Variants in SGCZ observed in about 807,000 individuals in gnomAD.
SGCZ encodes zeta-sarcoglycan.
SGCZ carries 40 observed loss-of-function variants against 41.3 expected under a neutral mutation model. The observed-to-expected ratio is 0.97, with a 90% CI of 0.75 to 1.26. The LOEUF (loss-of-function observed/expected upper bound fraction) is 1.26, where lower values mean the gene tolerates loss of function less well. Ranked by LOEUF, SGCZ falls within the 50% of genes most tolerant of loss-of-function variation. The pLI, the probability that SGCZ is intolerant of heterozygous loss-of-function variation, is 0.00. For synonymous variants in SGCZ, 206 were observed against 137.5 expected (o/e 1.50, Z -3.49); for missense variants, 552 against 369.8 (o/e 1.49, Z -4.04).
At chr8:14,381,719 G>A (rs966643099) in intron 2 of SGCZ, among the ~76,000 whole-genome samples, 7 of 151,758 alleles carry the variant, frequency 4.6e-5, no homozygotes, top group Admixed American at 6.6e-5. Flanking sequence ...CCAGGAGGTC[G>A]AGGCTGCAGT....
At chr8:15,134,090 T>C (rs17471747) in intron 1 of SGCZ, among the ~76,000 whole-genome samples, 21,033 of 152,182 alleles carry the variant, frequency 0.14, 1,948 homozygotes, top group Non-Finnish European at 0.21. Flanking sequence ...GGCCACTTAA[T>C]TCTGTATTTT....
rs149740390 is a variant in SGCZ at position 14,459,758 on chromosome 8, A to G, written c.234+94974T>C. ...GATACACTGAAAAGGGAACACTACT[A>G]TGGTATTCTCACATCCTCACCCCAA... On this transcript the variant is annotated intron_variant, in intron 2 of 7. Transcript: ENST00000382080. Among the ~76,000 whole-genome samples, 54 of 152,186 alleles carry G rather than the reference A, an allele frequency of 3.5e-4. 1 individual carries two copies. Among genetic ancestry groups the G allele is most frequent in the African/African-American group, 1.2e-3 (49 of 41,570 alleles).
intron 1 of SGCZ, among the ~76,000 whole-genome samples, chr8:14,600,129 T>A (rs1471901994): frequency 6.6e-6 from 1 of 152,078 alleles, no homozygotes; most frequent in African/African-American, 2.4e-5. Context: ...GATTATAAAT[T>A]CCTTCTTCCA....
At chr8:15,095,201 C>A (rs776532032) in intron 1 of SGCZ, among the ~76,000 whole-genome samples, 1 of 152,106 alleles carries the variant, frequency 6.6e-6, no homozygotes, top group Non-Finnish European at 1.5e-5. Flanking sequence ...CGGGTTCAAG[C>A]GACTCTCCTG....
intron 2 of SGCZ, among the ~76,000 whole-genome samples, chr8:14,410,159 AT>A: frequency 6.6e-6 from 1 of 152,218 alleles, no homozygotes; most frequent in South Asian, 2.1e-4. Flanking sequence ...TGTGCTCCTT[AT>A]GATAATCTAA....
intron 1 of SGCZ, among the ~76,000 whole-genome samples, chr8:14,687,336 CCT>C (rs71541680): frequency 0.39 from 52,484 of 136,266 alleles, 11,847 homozygotes; most frequent in African/African-American, 0.67. Flanking sequence ...TAAAGCTATC[CCT>C]CCCCCCTCCC....
chr8:14,353,987 C>A (rs1052746813), intron 2 of SGCZ, among the ~76,000 whole-genome samples: 2 of 152,026 alleles, frequency 1.3e-5, no homozygotes, highest in African/African-American at 4.8e-5. Context: ...CATAAGTAGA[C>A]CCTGAATCTG....
At chr8:15,196,299 T>A (rs780685444) in intron 1 of SGCZ, among the ~76,000 whole-genome samples, 9 of 152,202 alleles carry the variant, frequency 5.9e-5, no homozygotes, top group Non-Finnish European at 8.8e-5. Context: ...TAATCCAAAA[T>A]TTGTTTTGCT....
chr8:15,185,969 A>G (rs947944551), intron 1 of SGCZ, among the ~76,000 whole-genome samples: 2 of 151,908 alleles, frequency 1.3e-5, no homozygotes, highest in Admixed American at 1.3e-4. Flanking sequence ...TCACGTCTGT[A>G]ATCCCAGCAC....
intron 1 of SGCZ, among the ~76,000 whole-genome samples, chr8:14,754,469 G>A (rs960764926): frequency 6.6e-6 from 1 of 151,940 alleles, no homozygotes; most frequent in African/African-American, 2.4e-5. Flanking sequence ...GCTTATTATT[G>A]CTTCTTGTCT....
At chr8:14,758,134 A>G (rs1490075125) in intron 1 of SGCZ, among the ~76,000 whole-genome samples, 2 of 152,180 alleles carry the variant, frequency 1.3e-5, no homozygotes, top group Admixed American at 6.5e-5. Flanking sequence ...AAGTACAATG[A>G]TATTTCTCTC....
intron 1 of SGCZ, among the ~76,000 whole-genome samples, chr8:15,026,561 T>C (rs1350172399): frequency 1.3e-5 from 2 of 152,158 alleles, no homozygotes; most frequent in African/African-American, 4.8e-5. Flanking sequence ...AACGCTGTAA[T>C]CCCAGCTGTG....
At chr8:14,669,619 C>T (rs903175218) in intron 1 of SGCZ, among the ~76,000 whole-genome samples, 2 of 151,750 alleles carry the variant, frequency 1.3e-5, no homozygotes, top group African/African-American at 4.8e-5. Context: ...GAATGGCCTC[C>T]AGGTCCATAC....
At chr8:14,147,122 CA>C (rs1158201933) in intron 5 of SGCZ, among the ~76,000 whole-genome samples, 12 of 151,670 alleles carry the variant, frequency 7.9e-5, no homozygotes, top group Admixed American at 2.6e-4. Context: ...AATAGATACA[CA>C]AAAACTAAAA....
At chr8:14,685,800 A>G (rs1808593131) in intron 1 of SGCZ, among the ~76,000 whole-genome samples, 1 of 152,154 alleles carries the variant, frequency 6.6e-6, no homozygotes. Flanking sequence ...TGTTAGGAAA[A>G]AAACCTCGAC....
intron 2 of SGCZ, among the ~76,000 whole-genome samples, chr8:14,440,309 A>G (rs1209597613): frequency 6.6e-6 from 1 of 152,154 alleles, no homozygotes; most frequent in Non-Finnish European, 1.5e-5. Context: ...AATATGCTAA[A>G]TAATTCACTT....
chr8:14,334,884 C>T (rs970782885), intron 2 of SGCZ, among the ~76,000 whole-genome samples: 1 of 152,060 alleles, frequency 6.6e-6, no homozygotes, highest in Non-Finnish European at 1.5e-5. Flanking sequence ...ACAGAAGTAA[C>T]TTGTGTGTGC....
chr8:14,272,540 C>T (rs1298228281), intron 3 of SGCZ, among the ~76,000 whole-genome samples: 1 of 152,148 alleles, frequency 6.6e-6, no homozygotes, highest in East Asian at 1.9e-4. Context: ...CATGACTGAA[C>T]TTGGAGTTGT....
intron 1 of SGCZ, among the ~76,000 whole-genome samples, chr8:14,797,803 C>G (rs918218002): frequency 2.6e-5 from 4 of 152,186 alleles, no homozygotes; most frequent in Non-Finnish European, 4.4e-5. Context: ...ATTTGGTGCC[C>G]TGCATCCCAG....
Sources: gnomAD v4.1 joint callset for allele counts (sites outside exome capture counted in the v4.1 genomes callset) on GRCh38, gnomAD v4.1.1 for gene constraint, MANE v1.5 for transcripts, NCBI Gene and HGNC (gene_info 2026-07-23, HGNC 2026-07-21) for gene names.